Variants in ABCG2 observed in about 807,000 individuals in gnomAD.
The protein encoded by ABCG2 is ATP binding cassette subfamily G member 2 (JR blood group).
ABCG2 carries 80 observed loss-of-function variants against 73.5 expected under a neutral mutation model. The observed-to-expected ratio is 1.09, with a 90% confidence interval of 0.91 to 1.31. The LOEUF is 1.31. Ranked by LOEUF, ABCG2 falls within the 50% of genes most tolerant of loss-of-function variation. The probability of loss-of-function intolerance (pLI) is 0.00; values close to 1 mark genes in which losing one functional copy is unlikely to be tolerated. For missense variants in ABCG2, 796 were observed against 786.2 expected, an observed-to-expected ratio of 1.01 and a Z score of -0.15; for synonymous variants, 269 against 282.4, an observed-to-expected ratio of 0.95 and a Z score of 0.48.
chr4:88,108,794 C>T (rs1722928753), intron 9 of ABCG2, among the ~76,000 whole-genome samples: 1 of 152,088 alleles, frequency 6.6e-6, no homozygotes, highest in South Asian at 2.1e-4. Context: ...TCCAATGTTT[C>T]TACTTATGAG....
chr4:88,110,427 C>G (rs1252633318), intron 9 of ABCG2, among the ~76,000 whole-genome samples: 5 of 151,982 alleles, frequency 3.3e-5, no homozygotes, highest in Admixed American at 1.3e-4. Context: ...CCCGTAGTCC[C>G]AGCTACTCGG....
At chr4:88,157,708 G>T (rs45563937) in intron 1 of ABCG2, among the ~76,000 whole-genome samples, 9 of 152,286 alleles carry the variant, frequency 5.9e-5, no homozygotes, top group Non-Finnish European at 1.3e-4. Flanking sequence ...AGTCAAAGCT[G>T]TACTCTGAAA....
intron 2 of ABCG2, among the ~76,000 whole-genome samples, chr4:88,136,264 A>G (rs1309689058): frequency 6.6e-6 from 1 of 152,090 alleles, no homozygotes; most frequent in Non-Finnish European, 1.5e-5. Context: ...ACGTATACAC[A>G]TACATATCTT....
chr4:88,121,867 G>A, intron 5 of ABCG2, 75 bp from the exon 6 acceptor site: 1 of 1,419,260 alleles, frequency 7.0e-7, no homozygotes. Context: ...ACGTGTGCCA[G>A]TCCTGTAAGA....
intron 1 of ABCG2, among the ~76,000 whole-genome samples, chr4:88,229,255 C>T (rs1478873139): frequency 1.3e-5 from 2 of 152,162 alleles, no homozygotes; most frequent in Non-Finnish European, 2.9e-5. Flanking sequence ...TGTGTTCATA[C>T]CAGGCCTCAC....
intron 2 of ABCG2, among the ~76,000 whole-genome samples, chr4:88,136,141 C>T (rs1428898883): frequency 6.6e-6 from 1 of 152,138 alleles, no homozygotes; most frequent in Admixed American, 6.5e-5. Flanking sequence ...GGAATGGTCA[C>T]CACTGCTCCC....
chr4:88,117,543 A>G (rs909497263), intron 7 of ABCG2, among the ~76,000 whole-genome samples: 2 of 152,008 alleles, frequency 1.3e-5, no homozygotes, highest in Non-Finnish European at 2.9e-5. Context: ...AGGCTGAGGC[A>G]GGAGAATGGT....
At chr4:88,160,677 C>G (rs568820198), upstream of ABCG2, among the ~76,000 whole-genome samples, 1 of 151,786 alleles carries the variant, frequency 6.6e-6, no homozygotes, top group East Asian at 1.9e-4. Context: ...TGGTGAAACC[C>G]TTCTCTACTA....
intron 1 of ABCG2, among the ~76,000 whole-genome samples, chr4:88,169,969 G>T (rs1312334890): frequency 1.3e-5 from 2 of 152,032 alleles, no homozygotes; most frequent in Non-Finnish European, 2.9e-5. Flanking sequence ...AAATTAGCCA[G>T]GCATGGTGGC....
chr4:88,202,272 AG>A (rs1274080386), intron 1 of ABCG2, among the ~76,000 whole-genome samples: 401 of 147,618 alleles, frequency 2.7e-3, no homozygotes, highest in African/African-American at 9.7e-3. Context: ...TCACCTTGGG[AG>A]GTCGAGGCAG....
chr4:88,159,345 T>C, upstream of ABCG2: 2 of 383,846 alleles, frequency 5.2e-6, no homozygotes, highest in South Asian at 3.7e-5. Flanking sequence ...TGAATGGGAT[T>C]CTGAGAAAGT....
At chr4:88,167,828 G>A (rs942830770) in intron 1 of ABCG2, among the ~76,000 whole-genome samples, 17 of 152,168 alleles carry the variant, frequency 1.1e-4, no homozygotes, top group African/African-American at 4.1e-4. Context: ...ACCAGGGAAT[G>A]AACTGGAATT....
At position 88,094,589 on chromosome 4, in the gene ABCG2, C is replaced by G; in HGVS notation, c.1808G>C (p.Cys603Ser). The G allele has an allele frequency of 3.7e-6, 6 of 1,613,770 alleles. No homozygotes were observed. Among genetic ancestry groups the G allele is most frequent in the Non-Finnish European group, 4.2e-6 (5 of 1,179,690 alleles). Residue 603 changes from cysteine (C) to serine (S), a missense_variant, in exon 15 of 16, where the codon TGT becomes TCT. Transcript: ENST00000237612. ...PGLNATGNNP[C>S]NYATCTGEEY... ...AACAAAAACTTACGTTGCATAGTTA[C>G]AAGGATTGTTTCCTGTTGCATTGAG... is the stretch of plus-strand genomic sequence containing the variant.
chr4:88,187,369 T>C (rs1433050945), intron 1 of ABCG2, among the ~76,000 whole-genome samples: 1 of 152,024 alleles, frequency 6.6e-6, no homozygotes, highest in Non-Finnish European at 1.5e-5. Context: ...TCCCAGCACT[T>C]TGGGAGGCCG....
At chr4:88,135,757 A>T (rs1161648944) in intron 2 of ABCG2, among the ~76,000 whole-genome samples, 1 of 152,222 alleles carries the variant, frequency 6.6e-6, no homozygotes, top group Non-Finnish European at 1.5e-5. Flanking sequence ...AAATTTCTGC[A>T]TTTTTATAAA....
Position 88,092,200 on chromosome 4 carries a change from T to A in ABCG2, c.*34A>T. On this transcript the variant is annotated 3_prime_UTR_variant, in exon 16 of 16. Transcript: ENST00000237612. ...CTTCAATCAAAGTGCTTCTTTTTTA[T>A]GTGAGGATAAATCATACTGAATTAA... 1 of 1,555,488 alleles carries A rather than the reference T, an allele frequency of 6.4e-7. No homozygotes were observed. Among genetic ancestry groups the A allele is most frequent in the Non-Finnish European group, 8.7e-7 (1 of 1,147,832 alleles).
intron 5 of ABCG2, among the ~76,000 whole-genome samples, chr4:88,127,178 T>C (rs532236427): frequency 5.3e-5 from 8 of 152,160 alleles, no homozygotes; most frequent in Admixed American, 5.2e-4. Flanking sequence ...TCACAATTGG[T>C]ACAAAGAGAA....
intron 4 of ABCG2, 23 bp from the exon 5 acceptor site, chr4:88,131,236 T>A (rs1297014503): frequency 6.2e-7 from 1 of 1,610,998 alleles, no homozygotes; most frequent in Non-Finnish European, 8.5e-7. Flanking sequence ...AGCATTTTAA[T>A]GAGACATAAT....
intron 1 of ABCG2, among the ~76,000 whole-genome samples, chr4:88,207,054 C>T (rs913328425): frequency 2.0e-5 from 3 of 152,122 alleles, no homozygotes; most frequent in South Asian, 2.1e-4. Flanking sequence ...CTTGGCCTCC[C>T]GAAGTGCTAG....
Sources: gnomAD v4.1 joint callset for allele counts (sites outside exome capture counted in the v4.1 genomes callset) on GRCh38, gnomAD v4.1.1 for gene constraint, MANE v1.5 for transcripts, NCBI Gene and HGNC (gene_info 2026-07-23, HGNC 2026-07-21) for gene names.